Variants in KBTBD11 observed in about 807,000 individuals in gnomAD.
The protein encoded by KBTBD11 is kelch repeat and BTB domain containing 11, also known as kelch repeat and BTB domain-containing protein 11.
For missense variants in KBTBD11, 1,390 were observed against 1,001.8 expected, an observed-to-expected ratio of 1.39 and a Z score of -5.23; for synonymous variants, 747 against 499.0, an observed-to-expected ratio of 1.50 and a Z score of -6.63.
intron 1 of KBTBD11, among the ~76,000 whole-genome samples, chr8:1,978,104 A>G (rs1418324734): frequency 6.6e-6 from 1 of 152,216 alleles, no homozygotes; most frequent in East Asian, 1.9e-4. Flanking sequence ...CCCATCACCT[A>G]GGTATTAAGC....
In KBTBD11 at chr8:2,003,010, G is replaced by T; in HGVS notation, c.1818G>T (p.Pro606=). The change falls in exon 2 of 2, where the codon CCG becomes CCT. Residue 606 remains proline, a synonymous_variant. Coordinates refer to ENST00000320248, the MANE Select transcript of KBTBD11 (RefSeq NM_014867.3). The part of the protein sequence containing the change: ...APLDVRGVLI[P]FALSLPEKPP... ...TGGACGTCCGGGGTGTGCTCATCCC[G>T]TTCGCTCTCAGCCTGCCTGAGAAGC... 3 of 1,293,108 alleles carry T rather than the reference G, an allele frequency of 2.3e-6. No homozygotes were observed. The highest frequency in any genetic ancestry group is 4.0e-5 in the Admixed American group (1 of 24,762). 80.1% of individuals were successfully genotyped at this position (1,293,108 alleles called of 1,614,324 possible).
intron 1 of KBTBD11, among the ~76,000 whole-genome samples, chr8:1,983,648 A>C (rs983315302): frequency 2.0e-5 from 3 of 152,164 alleles, no homozygotes; most frequent in Non-Finnish European, 4.4e-5. Context: ...TTGTGCAAAT[A>C]AGACCATGAA....
At position 2,001,276 on chromosome 8, in the gene KBTBD11, G is replaced by C; in HGVS notation, c.84G>C (p.Ala28=). 3.3e-6 allele frequency: 5 copies of C among 1,518,814 alleles called. No individual in the cohort carries two copies. Among genetic ancestry groups the C allele is most frequent in the Non-Finnish European group, 4.4e-6 (5 of 1,140,688 alleles). The allele number at this position is 1,518,814 out of a possible 1,614,324, so 94.1% of individuals were successfully genotyped here. The change falls in exon 2 of 2, where the codon GCG becomes GCC. Residue 28 remains alanine, a synonymous_variant. Coordinates refer to ENST00000320248, the MANE Select transcript of KBTBD11 (RefSeq NM_014867.3). ...GGGAGAGCGAGAGCGAGGGCGCCGC[G>C]TCCCCGGCGCAGACACCCTGCAGTC... ...AAGESESEGA[A]SPAQTPCSLG... is the part of the protein sequence containing the mutation.
chr8:1,983,185 A>C (rs1211827123), intron 1 of KBTBD11, among the ~76,000 whole-genome samples: 1 of 152,240 alleles, frequency 6.6e-6, no homozygotes, highest in East Asian at 1.9e-4. Context: ...AGCCACACCT[A>C]GAACTTGGCA....
At chr8:1,992,244 C>T (rs1816946069) in intron 1 of KBTBD11, among the ~76,000 whole-genome samples, 1 of 152,120 alleles carries the variant, frequency 6.6e-6, no homozygotes, top group Non-Finnish European at 1.5e-5. Context: ...TAAAACGTGG[C>T]AGCGCTGCCT....
chr8:1,979,538 G>A (rs1295323517), intron 1 of KBTBD11, among the ~76,000 whole-genome samples: 1 of 152,218 alleles, frequency 6.6e-6, no homozygotes, highest in Non-Finnish European at 1.5e-5. Context: ...GCTGAGGCAT[G>A]GGAATTGCAT....
chr8:1,988,630 C>G (rs1034918654), intron 1 of KBTBD11, among the ~76,000 whole-genome samples: 5 of 152,098 alleles, frequency 3.3e-5, no homozygotes, highest in Admixed American at 6.6e-5. Context: ...TTAGCCCCTC[C>G]TGGAGTCTTC....
At chr8:1,976,051 C>G (rs902757667) in intron 1 of KBTBD11, 4 of 152,120 alleles carry the variant, frequency 2.6e-5, no homozygotes, top group Non-Finnish European at 4.4e-5. Flanking sequence ...AATAATAGCT[C>G]TCCTGCAAAT....
intron 1 of KBTBD11, among the ~76,000 whole-genome samples, chr8:1,995,130 G>A (rs1018643654): frequency 6.6e-6 from 1 of 150,568 alleles, no homozygotes; most frequent in Admixed American, 6.6e-5. Context: ...ACACTCTAAT[G>A]CATGTTGCTA....
intron 1 of KBTBD11, among the ~76,000 whole-genome samples, chr8:1,981,791 G>C (rs768948074): frequency 2.0e-5 from 3 of 152,192 alleles, no homozygotes; most frequent in Non-Finnish European, 2.9e-5. Flanking sequence ...TCTGGGACTT[G>C]CATCAGTGGT....
At chr8:1,989,165 GAATCAGT>G (rs1409700769) in intron 1 of KBTBD11, among the ~76,000 whole-genome samples, 1 of 152,184 alleles carries the variant, frequency 6.6e-6, no homozygotes, top group Admixed American at 6.5e-5. Flanking sequence ...ATGTTTGGCT[GAATCAGT>G]AATTCTTGAG....
In KBTBD11 at chr8:2,004,320, G is replaced by T. The variant is rs1333924552; in HGVS notation, c.*1256G>T. ...TCTCATTTAACATTTTACTTTTCAA[G>T]TGTGTATACAGAGGACTTACTATTA... On this transcript the variant is annotated 3_prime_UTR_variant, in exon 2 of 2. Transcript: ENST00000320248. 1 of 166,816 alleles carries T rather than the reference G, an allele frequency of 6.0e-6. No homozygotes were observed. The allele number at this position is 166,816 out of a possible 1,614,324, so 10.3% of individuals were successfully genotyped here. A position where few individuals can be genotyped will look rare whatever the true frequency, so the allele number is the denominator to read the frequency against.
intron 1 of KBTBD11, among the ~76,000 whole-genome samples, chr8:1,986,158 G>A (rs546878486): frequency 1.3e-5 from 2 of 152,186 alleles, no homozygotes; most frequent in African/African-American, 4.8e-5. Context: ...GGTTGGCCAC[G>A]TTGTGCTTGC....
At chr8:1,977,455 C>T (rs1338761746) in intron 1 of KBTBD11, among the ~76,000 whole-genome samples, 1 of 152,246 alleles carries the variant, frequency 6.6e-6, no homozygotes, top group African/African-American at 2.4e-5. Flanking sequence ...CTGCAGTAGT[C>T]TCTGGAGAGG....
At chr8:1,974,832 T>G (rs577357489) in intron 1 of KBTBD11, 1 of 352,732 alleles carries the variant, frequency 2.8e-6, no homozygotes, top group East Asian at 1.7e-4. Context: ...GTGTCTATTC[T>G]AAGGAAAAGA....
intron 1 of KBTBD11, among the ~76,000 whole-genome samples, chr8:1,977,678 C>T (rs891979519): frequency 2.2e-5 from 3 of 134,082 alleles, no homozygotes; most frequent in Non-Finnish European, 4.7e-5. Flanking sequence ...CGCCCTCCAG[C>T]ACACCCAACT....
At position 2,001,588 on chromosome 8, in the gene KBTBD11, G is replaced by A. The variant is rs779914619; in HGVS notation, c.396G>A (p.Gly132=). 2.1e-5 allele frequency: 30 copies of A among 1,461,680 alleles called. No homozygotes were observed. The highest frequency in any genetic ancestry group is 1.2e-4 in the East Asian group (4 of 33,532). The allele number at this position is 1,461,680 out of a possible 1,614,324, so 90.5% of individuals were successfully genotyped here. The change falls in exon 2 of 2, where the codon GGG becomes GGA. Residue 132 remains glycine, a synonymous_variant. Transcript: ENST00000320248. ...GGGAGCCCGCGCCCGTACCCCCGGGGTTCGGGGCGGTGTACGGGGAGCCGG... is the reference window on the plus strand; with the variant it reads ...GGGAGCCCGCGCCCGTACCCCCGGGATTCGGGGCGGTGTACGGGGAGCCGG... The part of the protein sequence containing the change: ...EPGEPAPVPP[G]FGAVYGEPDL...
rs958882704 is a variant in KBTBD11, at chr8:2,004,604, A to C, written c.*1540A>C. The C allele has an allele frequency of 6.0e-6, 1 of 167,116 alleles. No individual in the cohort carries two copies. The highest frequency in any genetic ancestry group is 6.5e-5 in the Admixed American group (1 of 15,292). The allele number at this position is 167,116 out of a possible 1,614,324, so 10.4% of individuals were successfully genotyped here. A position where few individuals can be genotyped will look rare whatever the true frequency, so the allele number is the denominator to read the frequency against. ...TCTCAGTTAAGTGTGTTTAGAAGTG[A>C]TCAGCTTGAACCTTATGCATGACTC... On this transcript the variant is annotated 3_prime_UTR_variant, in exon 2 of 2. Transcript: ENST00000320248.
In KBTBD11 at chr8:2,004,167, T is replaced by C. The variant is rs1030413574; in HGVS notation, c.*1103T>C. The C allele has an allele frequency of 4.2e-5, 7 of 167,034 alleles. No homozygotes were observed. Among genetic ancestry groups the C allele is most frequent in the East Asian group, 1.9e-4 (1 of 5,212 alleles). 10.3% of individuals were successfully genotyped at this position (167,034 alleles called of 1,614,324 possible). A position where few individuals can be genotyped will look rare whatever the true frequency, so the allele number is the denominator to read the frequency against. On this transcript the variant is annotated 3_prime_UTR_variant, in exon 2 of 2. Coordinates refer to ENST00000320248, the MANE Select transcript of KBTBD11 (RefSeq NM_014867.3). ...CAAGGAAGTGACGTGCTTATCACCA[T>C]AGATTTGCAAGTAAACTGCATGTAT... is the stretch of plus-strand genomic sequence containing the variant.
Sources: gnomAD v4.1 joint callset for allele counts (sites outside exome capture counted in the v4.1 genomes callset) on GRCh38, gnomAD v4.1.1 for gene constraint, MANE v1.5 for transcripts, NCBI Gene and HGNC (gene_info 2026-07-23, HGNC 2026-07-21) for gene names.